Variants in ASTN2 observed in about 807,000 individuals in gnomAD.
ASTN2 encodes astrotactin 2, also known as astrotactin-2.
Under a neutral mutation model 139.8 loss-of-function variants are expected in ASTN2, and 54 were observed. That is an observed-to-expected ratio of 0.39 (90% CI 0.31 to 0.48). ASTN2 has a LOEUF of 0.48. Among genes scored for constraint, ASTN2 ranks in the 20% least tolerant of loss-of-function variants. The pLI, the probability that ASTN2 is intolerant of heterozygous loss-of-function variation, is 0.95. For synonymous variants in ASTN2, 756 were observed against 719.5 expected (o/e 1.05, Z -0.81); for missense variants, 1,565 against 1,725.1 (o/e 0.91, Z 1.64).
At chr9:116,836,473 A>G (rs1432520605) in intron 11 of ASTN2, among the ~76,000 whole-genome samples, 1 of 151,018 alleles carries the variant, frequency 6.6e-6, no homozygotes, top group Non-Finnish European at 1.5e-5. Context: ...AATTTTTTTC[A>G]TTTTCTGTGG....
chr9:116,664,547 G>C (rs936623868), intron 16 of ASTN2, among the ~76,000 whole-genome samples: 2 of 150,976 alleles, frequency 1.3e-5, no homozygotes, highest in Non-Finnish European at 2.9e-5. Flanking sequence ...CCAGGGATAA[G>C]AATAGAAGCC....
chr9:116,549,770 T>C (rs1176542831), intron 19 of ASTN2, among the ~76,000 whole-genome samples: 1 of 152,036 alleles, frequency 6.6e-6, no homozygotes, highest in Non-Finnish European at 1.5e-5. Context: ...TCCACTGGAG[T>C]GCCCTTCCCC....
intron 11 of ASTN2, among the ~76,000 whole-genome samples, chr9:116,852,459 C>G (rs1037650198): frequency 2.4e-4 from 37 of 152,152 alleles, no homozygotes; most frequent in African/African-American, 8.0e-4. Flanking sequence ...CCATCTCTCT[C>G]TAGGAACGTC....
intron 11 of ASTN2, among the ~76,000 whole-genome samples, chr9:116,850,997 A>C (rs1390579044): frequency 6.6e-6 from 1 of 152,214 alleles, no homozygotes. Context: ...GTTAGGACAC[A>C]GTATCTTTCT....
chr9:116,605,024 T>A (rs1855114636), intron 19 of ASTN2, among the ~76,000 whole-genome samples: 1 of 140,382 alleles, frequency 7.1e-6, no homozygotes, highest in Non-Finnish European at 1.5e-5. Context: ...GGGCACAGAG[T>A]GACATGGAAT....
At chr9:117,311,850 G>C (rs1339456092) in intron 1 of ASTN2, among the ~76,000 whole-genome samples, 3 of 152,072 alleles carry the variant, frequency 2.0e-5, no homozygotes, top group Admixed American at 6.6e-5. Context: ...ATTTTTCCAT[G>C]ACACCCATAG....
chr9:117,000,887 A>G (rs994435810), intron 7 of ASTN2, among the ~76,000 whole-genome samples: 3 of 152,206 alleles, frequency 2.0e-5, no homozygotes, highest in African/African-American at 4.8e-5. Context: ...TCAACATGCC[A>G]TCACTGAACA....
chr9:116,900,219 C>T (rs1456263110), intron 10 of ASTN2, among the ~76,000 whole-genome samples: 1 of 152,220 alleles, frequency 6.6e-6, no homozygotes, highest in African/African-American at 2.4e-5. Flanking sequence ...TGGGCAATGA[C>T]AATCATGATG....
intron 13 of ASTN2, among the ~76,000 whole-genome samples, chr9:116,782,658 C>G (rs1830249572): frequency 6.6e-6 from 1 of 152,102 alleles, no homozygotes; most frequent in East Asian, 1.9e-4. Context: ...GACTTGGGTT[C>G]CCTTTGGTCT....
intron 2 of ASTN2, among the ~76,000 whole-genome samples, chr9:117,262,309 T>C (rs941486038): frequency 1.3e-5 from 2 of 152,170 alleles, no homozygotes; most frequent in African/African-American, 2.4e-5. Context: ...TGTAAGGATA[T>C]GGAAAAACAC....
At chr9:117,136,563 T>C (rs1007925320) in intron 4 of ASTN2, among the ~76,000 whole-genome samples, 27 of 152,158 alleles carry the variant, frequency 1.8e-4, no homozygotes, top group Admixed American at 1.4e-3. Context: ...ATCAGGACAA[T>C]GTTCTAGGTG....
At chr9:116,998,549 T>TCGTTCATCCATCCATC (rs1837086556) in intron 7 of ASTN2, among the ~76,000 whole-genome samples, 1 of 150,560 alleles carries the variant, frequency 6.6e-6, no homozygotes, top group Non-Finnish European at 1.5e-5. Flanking sequence ...AATTTGATTT[T>TCGTTCATCCATCCATC]CATCCATCCA....
chr9:116,624,767 T>C (rs1487957315), intron 17 of ASTN2, among the ~76,000 whole-genome samples: 1 of 152,188 alleles, frequency 6.6e-6, no homozygotes, highest in Non-Finnish European at 1.5e-5. Flanking sequence ...GAAGTCCTTA[T>C]TAATGCCTAA....
At chr9:117,221,198 A>G (rs1168695036) in intron 2 of ASTN2, among the ~76,000 whole-genome samples, 2 of 152,154 alleles carry the variant, frequency 1.3e-5, no homozygotes, top group African/African-American at 4.8e-5. Context: ...ACTTTCTCCA[A>G]TGCCAGTGCC....
chr9:116,677,204 AT>A (rs1393508795), intron 16 of ASTN2, among the ~76,000 whole-genome samples: 1 of 151,678 alleles, frequency 6.6e-6, no homozygotes, highest in Non-Finnish European at 1.5e-5. Context: ...ATTTTTCTCC[AT>A]TTTTTTGTCT....
At chr9:117,195,100 A>T (rs912858992) in intron 3 of ASTN2, among the ~76,000 whole-genome samples, 3 of 152,226 alleles carry the variant, frequency 2.0e-5, no homozygotes, top group Non-Finnish European at 4.4e-5. Context: ...GCCTACTAAG[A>T]TAATTAAAAT....
chr9:116,603,320 C>T (rs1325959970), intron 19 of ASTN2, among the ~76,000 whole-genome samples: 1 of 152,120 alleles, frequency 6.6e-6, no homozygotes, highest in Non-Finnish European at 1.5e-5. Context: ...TATAAACTGA[C>T]AGTATAAAAG....
chr9:116,827,428 G>A (rs1183316283), intron 11 of ASTN2, among the ~76,000 whole-genome samples: 1 of 150,656 alleles, frequency 6.6e-6, no homozygotes, highest in Non-Finnish European at 1.5e-5. Flanking sequence ...GACCCAAAAA[G>A]CAATGCAAAG....
At chr9:116,926,897 G>A (rs1834770033) in intron 10 of ASTN2, among the ~76,000 whole-genome samples, 2 of 152,110 alleles carry the variant, frequency 1.3e-5, no homozygotes, top group African/African-American at 2.4e-5. Flanking sequence ...ATATATATGA[G>A]GGAGAGGGCC....
Sources: gnomAD v4.1 joint callset for allele counts (sites outside exome capture counted in the v4.1 genomes callset) on GRCh38, gnomAD v4.1.1 for gene constraint, MANE v1.5 for transcripts, NCBI Gene and HGNC (gene_info 2026-07-23, HGNC 2026-07-21) for gene names.